LRRC28: variants seen among roughly 807,000 people sequenced by gnomAD.
LRRC28 encodes the protein leucine rich repeat containing 28.
LRRC28 carries 39 observed loss-of-function variants against 45.7 expected under a neutral mutation model. That is an observed-to-expected ratio of 0.85 (90% CI 0.66 to 1.12). The LOEUF (loss-of-function observed/expected upper bound fraction) is 1.12, where lower values mean the gene tolerates loss of function less well. LRRC28 is among the 50% of genes most tolerant of loss of function. The pLI, the probability that LRRC28 is intolerant of heterozygous loss-of-function variation, is 0.00. For missense variants in LRRC28, 435 were observed against 438.5 expected (o/e 0.99, Z 0.07); for synonymous variants, 206 against 178.8 (o/e 1.15, Z -1.22).
At chr15:99,350,429 G>A (rs1435632413) in intron 6 of LRRC28, among the ~76,000 whole-genome samples, 1 of 152,056 alleles carries the variant, frequency 6.6e-6, no homozygotes, top group Non-Finnish European at 1.5e-5. Context: ...TTTATATTAC[G>A]CTCCTCCTGC....
intron 9 of LRRC28, among the ~76,000 whole-genome samples, chr15:99,372,896 A>C (rs1040078324): frequency 6.6e-6 from 1 of 152,132 alleles, no homozygotes; most frequent in Non-Finnish European, 1.5e-5. Context: ...AGGGGAAGCA[A>C]ACATGTCCTT....
At chr15:99,274,106 G>C (rs1189031552) in intron 2 of LRRC28, among the ~76,000 whole-genome samples, 1 of 152,102 alleles carries the variant, frequency 6.6e-6, no homozygotes. Context: ...TAGAAATATG[G>C]GGCAAAAAGA....
At chr15:99,385,463 T>C (rs1957954788) in intron 9 of LRRC28, among the ~76,000 whole-genome samples, 1 of 152,236 alleles carries the variant, frequency 6.6e-6, no homozygotes, top group Non-Finnish European at 1.5e-5. Flanking sequence ...CCCCTGGGGC[T>C]CATGACTCAC....
chr15:99,284,591 T>G, intron 3 of LRRC28: 1 of 479,768 alleles, frequency 2.1e-6, no homozygotes, highest in South Asian at 1.5e-5. Context: ...TGCTCTCCTT[T>G]CCTGCTAAGC....
intron 5 of LRRC28, among the ~76,000 whole-genome samples, chr15:99,302,087 C>T (rs1002503434): frequency 2.7e-5 from 4 of 150,026 alleles, no homozygotes; most frequent in East Asian, 1.9e-4. Flanking sequence ...AGTGCAGAGG[C>T]GCGATCTCAG....
chr15:99,304,046 A>G (rs1381396193), intron 5 of LRRC28, among the ~76,000 whole-genome samples: 4 of 152,150 alleles, frequency 2.6e-5, no homozygotes, highest in Admixed American at 2.0e-4. Context: ...TATACTAGGG[A>G]CCGAGGTTAG....
At chr15:99,382,186 G>C (rs1448859829) in intron 9 of LRRC28, among the ~76,000 whole-genome samples, 1 of 152,184 alleles carries the variant, frequency 6.6e-6, no homozygotes, top group African/African-American at 2.4e-5. Flanking sequence ...CACCCAGTTC[G>C]AGCTTCCTGG....
Position 99,361,430 on chromosome 15 carries a change from G to A in LRRC28, c.790G>A (p.Gly264Arg), listed in dbSNP as rs763977768. Residue 264 changes from glycine (G) to arginine (R), a missense_variant, in exon 8 of 10, where the codon GGG (glycine) becomes AGG (arginine). Physicochemically the swap from Gly to Arg is moderately radical, Grantham distance 125. Coordinates refer to ENST00000301981, the MANE Select transcript of LRRC28 (RefSeq NM_144598.5). ...VFLPAEVKAI[G>R]TEHDHVLPLQ... ...CCTCCCAGCTGAGGTGAAGGCCATA[G>A]GGACGGAGCATGATCACGTCCTCCC... 2 of 1,614,008 alleles carry A rather than the reference G, an allele frequency of 1.2e-6. No individual in the cohort carries two copies. The highest frequency in any genetic ancestry group is 2.2e-5 in the South Asian group (2 of 91,076).
At position 99,361,424 on chromosome 15, in the gene LRRC28, G is replaced by A. The variant is rs138014644; in HGVS notation, c.784G>A (p.Ala262Thr). 226 of 1,613,948 alleles carry A rather than the reference G, an allele frequency of 1.4e-4. No individual in the cohort carries two copies. Among genetic ancestry groups the A allele is most frequent in the African/African-American group, 1.3e-3 (101 of 74,994 alleles). Reference protein sequence around the residue: ...RTVFLPAEVKAIGTEHDHVLP... With the variant: ...RTVFLPAEVKTIGTEHDHVLP... ...CGTTTTCCTCCCAGCTGAGGTGAAG[G>A]CCATAGGGACGGAGCATGATCACGT... The change falls in exon 8 of 10, where the codon GCC (alanine) becomes ACC (threonine). Residue 262 changes from alanine to threonine, a missense_variant. Coordinates refer to ENST00000301981, the MANE Select transcript of LRRC28 (RefSeq NM_144598.5).
intron 5 of LRRC28, among the ~76,000 whole-genome samples, chr15:99,291,960 G>C (rs2082132768): frequency 6.6e-6 from 1 of 152,164 alleles, no homozygotes; most frequent in Non-Finnish European, 1.5e-5. Context: ...GTATTTATGG[G>C]CTATTCCAAA....
intron 7 of LRRC28, among the ~76,000 whole-genome samples, chr15:99,352,678 C>CT (rs1416259879): frequency 6.6e-6 from 1 of 151,984 alleles, no homozygotes; most frequent in Admixed American, 6.6e-5. Flanking sequence ...CCATGTATAC[C>CT]TTTTTTTATT....
At chr15:99,347,448 C>G (rs1956728234) in intron 6 of LRRC28, among the ~76,000 whole-genome samples, 1 of 152,208 alleles carries the variant, frequency 6.6e-6, no homozygotes, top group Non-Finnish European at 1.5e-5. Flanking sequence ...ACCTCGTGAT[C>G]TGCCCGCCTT....
chr15:99,384,204 C>T (rs1184569881), intron 9 of LRRC28: 1 of 152,104 alleles, frequency 6.6e-6, no homozygotes, highest in African/African-American at 2.4e-5. Context: ...TAGGTAACCA[C>T]CCCAGGGGAA....
At chr15:99,337,518 T>C (rs1323575080) in intron 6 of LRRC28, among the ~76,000 whole-genome samples, 1 of 152,250 alleles carries the variant, frequency 6.6e-6, no homozygotes, top group African/African-American at 2.4e-5. Flanking sequence ...GGGCATCTCT[T>C]CTTTGGTACA....
In LRRC28 at chr15:99,305,565, A is replaced by G. The variant is rs764152231; in HGVS notation, c.385+17614A>G. Among the ~76,000 whole-genome samples, 5 of 152,302 alleles carry G rather than the reference A, an allele frequency of 3.3e-5. No individual in the cohort carries two copies. In the East Asian group the frequency reaches 9.6e-4, roughly 29 times the overall value. On this transcript the variant is annotated intron_variant, in intron 5 of 9. Coordinates refer to ENST00000301981, the MANE Select transcript of LRRC28 (RefSeq NM_144598.5). ...CTGATATCGCTAAAACTAAAATTCT[A>G]ACACTTTCAGGATTCAAGCTTTAGC...
intron 2 of LRRC28, chr15:99,257,540 G>A (rs2081058036): frequency 1.9e-5 from 9 of 475,714 alleles, no homozygotes; most frequent in Non-Finnish European, 2.4e-5. Context: ...CGGACCACGC[G>A]GCTGGAGGTG....
Position 99,387,062 on chromosome 15 carries a change from T to TTTGG in LRRC28, c.*962_*963insGGTT, listed in dbSNP as rs1336215346. The TTTGG allele has an allele frequency of 6.9e-6, 1 of 144,576 alleles. No homozygotes were observed. The highest frequency in any genetic ancestry group is 2.8e-5 in the African/African-American group (1 of 35,434). The allele number at this position is 144,576 out of a possible 1,614,324, so 9.0% of individuals were successfully genotyped here. On this transcript the variant is annotated 3_prime_UTR_variant, in exon 10 of 10. Coordinates refer to ENST00000301981, the MANE Select transcript of LRRC28 (RefSeq NM_144598.5). Reference sequence around the variant, plus strand: ...GGCTTCAGCTACTTCCACTACTGGTTTTTTTTTGTTGTTGTTGAGACGGAG... The same window carrying TTTGG: ...GGCTTCAGCTACTTCCACTACTGGTTTTGGTTTTTTTGTTGTTGTTGAGACGGAG...
At chr15:99,300,334 CTA>C (rs3057548) in intron 5 of LRRC28, among the ~76,000 whole-genome samples, 14,760 of 151,758 alleles carry the variant, frequency 0.097, 1,005 homozygotes, top group East Asian at 0.33. Context: ...GAATTTTTAT[CTA>C]TTTTTACCTA....
rs978448485 is a variant in LRRC28 at position 99,388,614 on chromosome 15, C to A, written c.*2512C>A. The A allele has an allele frequency of 6.6e-6, 1 of 152,174 alleles. No homozygotes were observed. Among genetic ancestry groups the A allele is most frequent in the African/African-American group, 2.4e-5 (1 of 41,420 alleles). The allele number at this position is 152,174 out of a possible 1,614,324, so 9.4% of individuals were successfully genotyped here. ...CTTTTGATACTATAAAGGAGTCTTA[C>A]CAACTGGAGAAAATTTGCCTACATG... On this transcript the variant is annotated 3_prime_UTR_variant, in exon 10 of 10. Coordinates refer to ENST00000301981, the MANE Select transcript of LRRC28 (RefSeq NM_144598.5).
Sources: allele counts gnomAD v4.1 joint callset (sites outside exome capture counted in the v4.1 genomes callset), GRCh38; gene constraint gnomAD v4.1.1; transcripts MANE v1.5; gene names NCBI Gene and HGNC (gene_info 2026-07-23, HGNC 2026-07-21).